Variants in ANO4 observed in about 807,000 individuals in gnomAD.
ANO4 encodes anoctamin 4, also known as anoctamin-4.
A neutral mutation model predicts 141.9 loss-of-function variants in ANO4; 69 were observed. The ratio of observed to expected loss-of-function variants is 0.49; its 90% CI spans 0.40 to 0.59. The LOEUF (loss-of-function observed/expected upper bound fraction) is 0.59, where lower values mean the gene tolerates loss of function less well. Ranked by LOEUF, ANO4 falls within the 20% of genes least tolerant of loss-of-function variation. The probability of loss-of-function intolerance (pLI) is 0.00; values close to 1 mark genes in which losing one functional copy is unlikely to be tolerated. For missense variants in ANO4, 894 were observed against 1,162.2 expected, an observed-to-expected ratio of 0.77 and a Z score of 3.36; for synonymous variants, 350 against 394.3, an observed-to-expected ratio of 0.89 and a Z score of 1.33.
At position 100,794,936 on chromosome 12, in the gene ANO4, C is replaced by T. The variant is rs200493332; in HGVS notation, c.-232C>T. 6.5e-6 allele frequency: 1 copy of T among 152,844 alleles called. No homozygotes were observed. Among genetic ancestry groups the T allele is most frequent in the African/African-American group, 2.4e-5 (1 of 41,584 alleles). 9.5% of individuals were successfully genotyped at this position (152,844 alleles called of 1,614,324 possible). A position where few individuals can be genotyped will look rare whatever the true frequency, so the allele number is the denominator to read the frequency against. On this transcript the variant is annotated 5_prime_UTR_variant, in exon 1 of 28. Coordinates refer to ENST00000392977, the MANE Select transcript of ANO4 (RefSeq NM_001286615.2). ...TTGCTGGCCTCCTCCCGACTGGAGC[C>T]TGGAGGTTCACAGTGGATTTCTTTC...
At chr12:100,753,732 A>G (rs977956820) in intron 3 of ANO4, among the ~76,000 whole-genome samples, 2 of 152,234 alleles carry the variant, frequency 1.3e-5, no homozygotes, top group African/African-American at 4.8e-5. Flanking sequence ...TAGTTGATTC[A>G]TGAAATTAGA....
chr12:101,054,849 C>T (rs2048046028), intron 14 of ANO4, among the ~76,000 whole-genome samples: 1 of 150,106 alleles, frequency 6.7e-6, no homozygotes, highest in Admixed American at 6.6e-5. Context: ...CCCTTGGCAA[C>T]CTGAAACCTG....
At chr12:100,919,736 G>GTATCTATCTATCTATCTATCTGTCTATC (rs1555250918) in intron 2 of ANO4, among the ~76,000 whole-genome samples, 6 of 133,052 alleles carry the variant, frequency 4.5e-5, no homozygotes, top group Admixed American at 1.6e-4. Context: ...GTGTATGTAT[G>GTATCTATCTATCTATCTATCTGTCTATC]TATCTATCTA....
chr12:101,029,646 T>C (rs553072629), intron 9 of ANO4, among the ~76,000 whole-genome samples: 1 of 152,192 alleles, frequency 6.6e-6, no homozygotes, highest in East Asian at 1.9e-4. Context: ...GCATGGTGGC[T>C]CAAACCTATA....
At chr12:101,122,182 ATCT>A (rs1199901277) in intron 26 of ANO4, among the ~76,000 whole-genome samples, 2 of 152,094 alleles carry the variant, frequency 1.3e-5, no homozygotes, top group Non-Finnish European at 2.9e-5. Flanking sequence ...CTGCTTCTAT[ATCT>A]TCTTTTGAGA....
chr12:101,037,073 A>G lies in ANO4; in HGVS notation c.842-22A>G, dbSNP rs376550401. 100 of 1,612,002 alleles carry G rather than the reference A, an allele frequency of 6.2e-5. No individual in the cohort carries two copies. The East Asian group carries it at 7.4e-4, about 12-fold the overall frequency. ...GTATTCAAACTCTGTATTAATTCAA[A>G]TGGACTTATTTGCTGTTTTAGGTCT... On this transcript the variant is annotated intron_variant, in intron 9 of 27. Transcript: ENST00000392977.
chr12:100,978,239 G>A, intron 7 of ANO4, among the ~76,000 whole-genome samples: 1 of 152,334 alleles, frequency 6.6e-6, no homozygotes, highest in East Asian at 1.9e-4. Flanking sequence ...CCACATGCGT[G>A]TATGAGGATT....
At chr12:100,910,851 T>C (rs1162795803) in intron 2 of ANO4, among the ~76,000 whole-genome samples, 2 of 152,194 alleles carry the variant, frequency 1.3e-5, no homozygotes, top group African/African-American at 4.8e-5. Flanking sequence ...TTTGCCGATA[T>C]GTGTTATTCC....
intron 3 of ANO4, among the ~76,000 whole-genome samples, chr12:100,785,002 T>C (rs563815139): frequency 6.6e-6 from 1 of 152,254 alleles, no homozygotes; most frequent in African/African-American, 2.4e-5. Flanking sequence ...CCCTTTGTTT[T>C]CTAGAGGTAT....
intron 5 of ANO4, among the ~76,000 whole-genome samples, chr12:100,946,719 T>G (rs1028265710): frequency 6.4e-4 from 98 of 152,160 alleles, no homozygotes; most frequent in African/African-American, 2.3e-3. Flanking sequence ...AGATACACAT[T>G]TGAATGAGAT....
chr12:100,791,364 C>T (rs889505606), upstream of ANO4, among the ~76,000 whole-genome samples: 15 of 152,154 alleles, frequency 9.9e-5, no homozygotes, highest in South Asian at 1.2e-3. Flanking sequence ...GAGCCGAGAT[C>T]GCACCACTGC....
chr12:100,816,356 T>G (rs2035740692), intron 1 of ANO4, among the ~76,000 whole-genome samples: 1 of 151,974 alleles, frequency 6.6e-6, no homozygotes, highest in African/African-American at 2.4e-5. Context: ...GATTCTCTGA[T>G]GAAAGATCTG....
chr12:100,888,188 G>A (rs576902100), intron 1 of ANO4, among the ~76,000 whole-genome samples: 378 of 152,294 alleles, frequency 2.5e-3, no homozygotes, highest in Non-Finnish European at 3.8e-3. Flanking sequence ...TTACAAGGAG[G>A]TTTTCAGTAT....
At chr12:100,725,597 C>T (rs7975404) in intron 1 of ANO4, among the ~76,000 whole-genome samples, 36,650 of 151,990 alleles carry the variant, frequency 0.24, 4,787 homozygotes, top group Non-Finnish European at 0.3. Context: ...CCACCCGCCT[C>T]GGCCTCCCAA....
At chr12:100,846,951 C>T (rs1017510287) in intron 1 of ANO4, among the ~76,000 whole-genome samples, 4 of 152,104 alleles carry the variant, frequency 2.6e-5, no homozygotes, top group African/African-American at 4.8e-5. Context: ...CCACACCCCC[C>T]CCCAACTTCT....
At chr12:100,841,402 A>G (rs911515965) in intron 1 of ANO4, among the ~76,000 whole-genome samples, 2 of 152,210 alleles carry the variant, frequency 1.3e-5, no homozygotes, top group Admixed American at 1.3e-4. Context: ...TGAATAAGAC[A>G]AAGTCTATAT....
rs1165749720 is a variant in ANO4 at position 100,922,375 on chromosome 12, A to G, written c.160+45A>G. 3.7e-6 allele frequency: 5 copies of G among 1,368,632 alleles called. No homozygotes were observed. The South Asian group carries it at 7.0e-5, about 19-fold the overall frequency. 84.8% of individuals were successfully genotyped at this position (1,368,632 alleles called of 1,614,324 possible). On this transcript the variant is annotated intron_variant, in intron 3 of 27. Coordinates refer to ENST00000392977, the MANE Select transcript of ANO4 (RefSeq NM_001286615.2). ...TAAATTCGCCGTGAGAGAAGAAGCT[A>G]TTATAATACTTGGGAGGGGTAATAA...
chr12:101,110,470 T>G lies in ANO4; in HGVS notation c.2216T>G (p.Leu739Arg), dbSNP rs1429666034. The G allele has an allele frequency of 6.2e-7, 1 of 1,612,574 alleles. No individual in the cohort carries two copies. ...CCCCTAGCACCACTTCTGGCCTTACTGAATAACATAATTGAAATTCGACTT... is the reference window on the plus strand; with the variant it reads ...CCCCTAGCACCACTTCTGGCCTTACGGAATAACATAATTGAAATTCGACTT... ...AFPLAPLLALLNNIIEIRLDA... is the reference protein window; with the variant it reads ...AFPLAPLLALRNNIIEIRLDA... Residue 739 changes from leucine to arginine, a missense_variant, in exon 23 of 28, where the codon CTG becomes CGG. Coordinates refer to ENST00000392977, the MANE Select transcript of ANO4 (RefSeq NM_001286615.2).
intron 22 of ANO4, among the ~76,000 whole-genome samples, chr12:101,102,620 A>G (rs1432009504): frequency 6.6e-6 from 1 of 152,058 alleles, no homozygotes; most frequent in East Asian, 1.9e-4. Context: ...ATATATGTTG[A>G]AAATTAAATA....
Sources: allele counts gnomAD v4.1 joint callset (sites outside exome capture counted in the v4.1 genomes callset), GRCh38; gene constraint gnomAD v4.1.1; transcripts MANE v1.5; gene names NCBI Gene and HGNC (gene_info 2026-07-23, HGNC 2026-07-21).